The following TTC28 variants were observed in gnomAD, a reference collection of about 807,000 sequenced individuals.
The protein encoded by TTC28 is tetratricopeptide repeat protein 28.
TTC28 carries 61 observed loss-of-function variants against 198.0 expected under a neutral mutation model. The observed-to-expected ratio is 0.31, with a 90% CI of 0.25 to 0.38. The LOEUF (loss-of-function observed/expected upper bound fraction) is 0.38, where lower values mean the gene tolerates loss of function less well. TTC28 is among the 10% of genes least tolerant of loss of function. TTC28 has a pLI of 1.00. For synonymous variants in TTC28, 1,171 were observed against 1,297.8 expected (o/e 0.90, Z 2.10); for missense variants, 2,678 against 3,164.0 (o/e 0.85, Z 3.69).
In TTC28 at chr22:28,437,365, G is replaced by C. The variant is rs8139198; in HGVS notation, c.382-130722C>G. On this transcript the variant is annotated intron_variant, in intron 2 of 22. Coordinates refer to ENST00000397906, the MANE Select transcript of TTC28 (RefSeq NM_001145418.2). ...CCCAAAGTGCTGAGATTACAGACAT[G>C]AGCCACTGCACCCAGCTCTTATTCT... is the stretch of plus-strand genomic sequence containing the variant. Among the ~76,000 whole-genome samples the C allele has an allele frequency of 9.3e-3, 1,421 of 152,176 alleles. 11 individuals carry two copies. Among genetic ancestry groups the C allele is most frequent in the Non-Finnish European group, 0.015 (1,043 of 68,004 alleles).
At chr22:28,292,599 C>G (rs1304947966) in intron 5 of TTC28, among the ~76,000 whole-genome samples, 2 of 152,152 alleles carry the variant, frequency 1.3e-5, no homozygotes, top group African/African-American at 2.4e-5. Context: ...CTGGTCTTTG[C>G]TAAAGCCATG....
chr22:28,196,884 C>G (rs570688243), intron 5 of TTC28, among the ~76,000 whole-genome samples: 1 of 152,186 alleles, frequency 6.6e-6, no homozygotes, highest in South Asian at 2.1e-4. Flanking sequence ...GGATCTAGAA[C>G]TAGAAATACC....
chr22:28,339,315 C>T (rs967325369), intron 2 of TTC28, among the ~76,000 whole-genome samples: 2 of 152,142 alleles, frequency 1.3e-5, no homozygotes, highest in African/African-American at 4.8e-5. Context: ...GGGGGTGCCT[C>T]CCAGTTAGGC....
intron 2 of TTC28, among the ~76,000 whole-genome samples, chr22:28,521,251 A>T (rs999349474): frequency 1.3e-5 from 2 of 151,670 alleles, no homozygotes; most frequent in Admixed American, 6.6e-5. Context: ...AAAAAAAATT[A>T]AAAAAAATTA....
At chr22:28,049,610 T>C (rs566025022) in intron 12 of TTC28, among the ~76,000 whole-genome samples, 1 of 152,076 alleles carries the variant, frequency 6.6e-6, no homozygotes, top group East Asian at 1.9e-4. Flanking sequence ...TTGGGGACTG[T>C]ATAAGGGGTC....
chr22:28,538,381 C>A (rs2049338645), intron 2 of TTC28, among the ~76,000 whole-genome samples: 1 of 151,772 alleles, frequency 6.6e-6, no homozygotes, highest in Non-Finnish European at 1.5e-5. Flanking sequence ...AACCACTGTG[C>A]CTGGCCTATA....
intron 5 of TTC28, among the ~76,000 whole-genome samples, chr22:28,183,758 T>C (rs1923928561): frequency 6.6e-6 from 1 of 152,192 alleles, no homozygotes; most frequent in Admixed American, 6.5e-5. Context: ...TTTATTTTAA[T>C]GCCAATTATC....
At chr22:28,036,747 A>T (rs1035101330) in intron 12 of TTC28, among the ~76,000 whole-genome samples, 11 of 152,196 alleles carry the variant, frequency 7.2e-5, no homozygotes, top group Non-Finnish European at 1.5e-5. Flanking sequence ...TTTTGGAAGG[A>T]TCAACAAAAT....
At chr22:28,317,718 A>C (rs1473027260) in intron 2 of TTC28, among the ~76,000 whole-genome samples, 1 of 152,166 alleles carries the variant, frequency 6.6e-6, no homozygotes, top group Admixed American at 6.5e-5. Flanking sequence ...TCCAGCCAAA[A>C]GGTAGGACTT....
intron 2 of TTC28, among the ~76,000 whole-genome samples, chr22:28,410,693 T>C (rs1033568352): frequency 6.6e-6 from 1 of 151,940 alleles, no homozygotes; most frequent in African/African-American, 2.4e-5. Flanking sequence ...TAAAGCAATA[T>C]AAGGAAAACA....
chr22:28,288,917 C>T (rs1053316558), intron 5 of TTC28, among the ~76,000 whole-genome samples: 1 of 152,154 alleles, frequency 6.6e-6, no homozygotes, highest in African/African-American at 2.4e-5. Context: ...CTCTCTCAAC[C>T]ACTATCCTAT....
chr22:28,015,833 T>C (rs1032906725), intron 13 of TTC28, among the ~76,000 whole-genome samples: 3 of 151,804 alleles, frequency 2.0e-5, no homozygotes, highest in African/African-American at 7.3e-5. Flanking sequence ...CCAGATACAC[T>C]GCTGAGGTTC....
chr22:27,996,363 G>C, intron 16 of TTC28, 104 bp from the exon 17 acceptor site: 1 of 1,467,208 alleles, frequency 6.8e-7, no homozygotes, highest in Non-Finnish European at 9.0e-7. Flanking sequence ...CCAGCAGAAA[G>C]AGCAGGGCCT....
At chr22:28,485,578 A>T (rs1263369953) in intron 2 of TTC28, among the ~76,000 whole-genome samples, 1 of 152,142 alleles carries the variant, frequency 6.6e-6, no homozygotes, top group Non-Finnish European at 1.5e-5. Context: ...ATGATTGATA[A>T]CAATCTGACT....
chr22:28,526,494 G>C (rs763305592), intron 2 of TTC28, among the ~76,000 whole-genome samples: 1 of 152,080 alleles, frequency 6.6e-6, no homozygotes, highest in Non-Finnish European at 1.5e-5. Flanking sequence ...AAATGCAGTG[G>C]GCAAGAATAG....
At position 28,572,336 on chromosome 22, in the gene TTC28, A is replaced by T. The variant is rs2050076881; in HGVS notation, c.381+57216T>A. On this transcript the variant is annotated intron_variant, in intron 2 of 22. Coordinates refer to ENST00000397906, the MANE Select transcript of TTC28 (RefSeq NM_001145418.2). ...ACACTGTCTAAAAAAAGAATTGCTC[A>T]TAGCAACACTGAGAATATTCATGAC... Among the ~76,000 whole-genome samples the T allele has an allele frequency of 2.6e-5, 4 of 152,224 alleles. 1 individual carries two copies. In the South Asian group the frequency reaches 8.3e-4, roughly 31 times the overall value.
rs553207806 is a variant in TTC28, at chr22:28,360,707, GC to G, written c.382-54065del. On this transcript the variant is annotated intron_variant, in intron 2 of 22. Coordinates refer to ENST00000397906, the MANE Select transcript of TTC28 (RefSeq NM_001145418.2). ...GGCCATGAAATGACTGATTGTATAG[GC>G]ATACTTTGTTTTACTGCACTTTACT... Among the ~76,000 whole-genome samples the G allele has an allele frequency of 3.6e-3, 545 of 152,222 alleles. 3 individuals are homozygous for G. Among genetic ancestry groups the G allele is most frequent in the African/African-American group, 0.013 (525 of 41,540 alleles).
rs548661387 is a variant in TTC28, at chr22:28,371,079, T to A, written c.382-64436A>T. Reference sequence around the variant, plus strand: ...CAACACTTAGAAACCCAGGACACACTCTTCAACCTCAGGACAGGTAGCTTG... The same window carrying A: ...CAACACTTAGAAACCCAGGACACACACTTCAACCTCAGGACAGGTAGCTTG... On this transcript the variant is annotated intron_variant, in intron 2 of 22. Transcript: ENST00000397906. Among the ~76,000 whole-genome samples the A allele has an allele frequency of 3.9e-5, 6 of 152,288 alleles. No individual in the cohort carries two copies. In the South Asian group the frequency reaches 1.2e-3, roughly 32 times the overall value.
At chr22:28,190,999 T>C (rs948370222) in intron 5 of TTC28, among the ~76,000 whole-genome samples, 1 of 152,198 alleles carries the variant, frequency 6.6e-6, no homozygotes, top group African/African-American at 2.4e-5. Flanking sequence ...CCAGTGCATA[T>C]GAATCTAACC....
Sources: allele counts gnomAD v4.1 joint callset (sites outside exome capture counted in the v4.1 genomes callset), GRCh38; gene constraint gnomAD v4.1.1; transcripts MANE v1.5; gene names NCBI Gene and HGNC (gene_info 2026-07-23, HGNC 2026-07-21).